The following HEATR5B variants were observed in gnomAD, a reference collection of about 807,000 sequenced individuals.
The protein encoded by HEATR5B is HEAT repeat containing 5B.
A neutral mutation model predicts 224.1 loss-of-function variants in HEATR5B; 156 were observed. The ratio of observed to expected loss-of-function variants is 0.70; its 90% CI spans 0.61 to 0.80. HEATR5B has a LOEUF of 0.80. HEATR5B is among the 30% of genes least tolerant of loss of function. The pLI, the probability that HEATR5B is intolerant of heterozygous loss-of-function variation, is 0.00. For synonymous variants in HEATR5B, 1,027 were observed against 893.0 expected (o/e 1.15, Z -2.68); for missense variants, 2,323 against 2,535.5 (o/e 0.92, Z 1.80).
chr2:36,990,393 T>C (rs948402167), intron 34 of HEATR5B, among the ~76,000 whole-genome samples: 3 of 152,188 alleles, frequency 2.0e-5, no homozygotes, highest in African/African-American at 7.2e-5. Context: ...AACATAATCA[T>C]AGACTCTTGT....
chr2:37,061,055 T>G (rs1671252206), intron 11 of HEATR5B, among the ~76,000 whole-genome samples: 1 of 152,158 alleles, frequency 6.6e-6, no homozygotes, highest in African/African-American at 2.4e-5. Context: ...AATGGTGGAT[T>G]GCATATTATC....
Position 37,020,828 on chromosome 2 carries a change from A to G in HEATR5B, c.3862T>C (p.Leu1288=). 10 of 1,500,980 alleles carry G rather than the reference A, an allele frequency of 6.7e-6. No homozygotes were observed. Among genetic ancestry groups the G allele is most frequent in the Non-Finnish European group, 8.9e-6 (10 of 1,125,570 alleles). The allele number at this position is 1,500,980 out of a possible 1,614,324, so 93.0% of individuals were successfully genotyped here. Reference sequence around the variant, plus strand: ...ATGAGGTCAGAGAGATGAAGTACCAAGAGGTCATCTAAAAATAAAAATAGA... The same window carrying G: ...ATGAGGTCAGAGAGATGAAGTACCAGGAGGTCATCTAAAAATAAAAATAGA... ...AKLRNPTNDL[L]VLHLSDLIRM... The change falls in exon 25 of 36, where the codon TTG becomes CTG. Residue 1288 remains leucine, a synonymous_variant. Coordinates refer to ENST00000233099, the MANE Select transcript of HEATR5B (RefSeq NM_019024.3).
intron 4 of HEATR5B, chr2:37,075,850 T>G: frequency 2.9e-6 from 1 of 348,130 alleles, no homozygotes. Flanking sequence ...AGGTTTTAAG[T>G]AAATATATTC....
At chr2:37,029,271 T>C (rs1284101171) in intron 22 of HEATR5B, among the ~76,000 whole-genome samples, 1 of 152,224 alleles carries the variant, frequency 6.6e-6, no homozygotes, top group African/African-American at 2.4e-5. Flanking sequence ...GAAGAATAAA[T>C]TGAAACTTAT....
chr2:37,081,915 T>G (rs1558389368), intron 2 of HEATR5B, among the ~76,000 whole-genome samples: 1 of 4,828 alleles, frequency 2.1e-4, no homozygotes, highest in African/African-American at 2.5e-4. Flanking sequence ...AAACCTAAAA[T>G]ACTAAGGTCA....
chr2:36,984,200 C>CA (rs1208435239), intron 35 of HEATR5B, among the ~76,000 whole-genome samples: 397 of 28,972 alleles, frequency 0.014, 33 homozygotes, highest in Non-Finnish European at 0.019. Flanking sequence ...AACTCTGTCT[C>CA]AAAAAAAAAA....
At chr2:37,065,427 C>T (rs959563622) in intron 9 of HEATR5B, among the ~76,000 whole-genome samples, 3 of 151,878 alleles carry the variant, frequency 2.0e-5, no homozygotes, top group Non-Finnish European at 4.4e-5. Context: ...AATTCTCCTG[C>T]CTCAGCCTCC....
At chr2:36,989,496 A>G (rs975020949) in intron 34 of HEATR5B, among the ~76,000 whole-genome samples, 3 of 152,230 alleles carry the variant, frequency 2.0e-5, no homozygotes, top group Non-Finnish European at 4.4e-5. Context: ...AAATATATTT[A>G]CTAAGGAAGG....
intron 2 of HEATR5B, among the ~76,000 whole-genome samples, chr2:37,080,775 T>C (rs1002999394): frequency 6.8e-6 from 1 of 147,938 alleles, no homozygotes; most frequent in African/African-American, 2.5e-5. Flanking sequence ...TATGTACAGA[T>C]TAAAAAAAAA....
At chr2:37,041,639 G>A (rs919902365) in intron 18 of HEATR5B, among the ~76,000 whole-genome samples, 1 of 152,150 alleles carries the variant, frequency 6.6e-6, no homozygotes, top group Non-Finnish European at 1.5e-5. Context: ...CCAGCTAGTA[G>A]GGAGGCTGAA....
intron 18 of HEATR5B, among the ~76,000 whole-genome samples, chr2:37,047,292 C>A (rs1172084519): frequency 6.6e-6 from 1 of 152,080 alleles, no homozygotes; most frequent in Non-Finnish European, 1.5e-5. Context: ...CTCTCTAAGC[C>A]TCCATTTCTC....
intron 21 of HEATR5B, among the ~76,000 whole-genome samples, chr2:37,036,077 A>G (rs570184226): frequency 1.3e-5 from 2 of 152,348 alleles, no homozygotes; most frequent in South Asian, 2.1e-4. Context: ...TTACTAACTT[A>G]GAGCAAATCA....
intron 21 of HEATR5B, among the ~76,000 whole-genome samples, chr2:37,037,076 C>T (rs1229404668): frequency 6.8e-6 from 1 of 146,034 alleles, no homozygotes; most frequent in Non-Finnish European, 1.5e-5. Context: ...TATAATGATA[C>T]CAACAGATAC....
intron 2 of HEATR5B, among the ~76,000 whole-genome samples, chr2:37,081,385 C>A (rs1672559318): frequency 6.6e-6 from 1 of 152,094 alleles, no homozygotes; most frequent in Non-Finnish European, 1.5e-5. Context: ...TAAAACCATA[C>A]TAAAGGGTAG....
chr2:36,990,691 C>T lies in HEATR5B; in HGVS notation c.5654G>A (p.Cys1885Tyr), dbSNP rs1206389676. 6.2e-7 allele frequency: 1 copy of T among 1,609,366 alleles called. No individual in the cohort carries two copies. Among genetic ancestry groups the T allele is most frequent in the African/African-American group, 1.3e-5 (1 of 74,882 alleles). ...IIGVQSLQNG[C>Y]MNRFKNALNS... ...TAATGCATTTTTAAATCTGTTCATG[C>T]AGCCATTCTGTAATGACTGGACTCC... The change falls in exon 34 of 36, where the codon TGC becomes TAC. Residue 1885 changes from cysteine to tyrosine, a missense_variant. By Grantham distance (194) the Cys-to-Tyr change is radical. Coordinates refer to ENST00000233099, the MANE Select transcript of HEATR5B (RefSeq NM_019024.3).
At chr2:37,082,390 T>C (rs1672638140) in intron 2 of HEATR5B, among the ~76,000 whole-genome samples, 1 of 152,112 alleles carries the variant, frequency 6.6e-6, no homozygotes, top group South Asian at 2.1e-4. Flanking sequence ...ATATCTACTT[T>C]TAAAGACAGA....
intron 26 of HEATR5B, among the ~76,000 whole-genome samples, chr2:37,019,264 T>C (rs1436384345): frequency 6.6e-6 from 1 of 152,174 alleles, no homozygotes. Context: ...ATGAAATGTC[T>C]ATATTGTGAA....
At chr2:37,064,041 T>C (rs1486332621) in intron 10 of HEATR5B, among the ~76,000 whole-genome samples, 4 of 152,192 alleles carry the variant, frequency 2.6e-5, no homozygotes, top group Admixed American at 2.6e-4. Flanking sequence ...GTCAAACTCC[T>C]GATCTCAAAT....
chr2:37,008,500 GA>G (rs1486533422), intron 28 of HEATR5B, 110 bp downstream of exon 28: 1 of 763,088 alleles, frequency 1.3e-6, no homozygotes, highest in East Asian at 2.5e-5. Flanking sequence ...TTAAGCCACA[GA>G]AATTTAAACT....
Sources: gnomAD v4.1 joint callset for allele counts (sites outside exome capture counted in the v4.1 genomes callset) on GRCh38, gnomAD v4.1.1 for gene constraint, MANE v1.5 for transcripts, NCBI Gene and HGNC (gene_info 2026-07-23, HGNC 2026-07-21) for gene names.